COPS9: variants seen among roughly 807,000 people sequenced by gnomAD.
COPS9 encodes COP9 signalosome subunit 9.
COPS9 carries 8 observed loss-of-function variants against 7.2 expected under a neutral mutation model. The observed-to-expected ratio is 1.11, with a 90% CI of 0.65 to 2.00. COPS9 has a LOEUF of 2.00. Among genes scored for constraint, COPS9 ranks in the 30% most tolerant of loss-of-function variants. COPS9 has a pLI of 0.00. For missense variants in COPS9, 74 were observed against 77.7 expected, an observed-to-expected ratio of 0.95 and a Z score of 0.18; for synonymous variants, 39 against 28.7, an observed-to-expected ratio of 1.36 and a Z score of -1.14.
At chr2:240,134,854 C>T (rs1470753184) in intron 1 of COPS9, among the ~76,000 whole-genome samples, 1 of 152,160 alleles carries the variant, frequency 6.6e-6, no homozygotes, top group African/African-American at 2.4e-5. Flanking sequence ...GCCTCATTCA[C>T]ACCCTCTTCA....
downstream of COPS9, among the ~76,000 whole-genome samples, chr2:240,127,154 C>G (rs2071874511): frequency 6.6e-6 from 1 of 152,156 alleles, no homozygotes; most frequent in African/African-American, 2.4e-5. Context: ...ACGGCGAATA[C>G]CCAGGCAGCG....
downstream of COPS9, among the ~76,000 whole-genome samples, chr2:240,127,343 C>T (rs1258745108): frequency 2.0e-5 from 3 of 151,740 alleles, no homozygotes; most frequent in Admixed American, 6.6e-5. Flanking sequence ...AGGTCCAGTC[C>T]CAGGGCCCCT....
chr2:240,130,196 G>A (rs140739458), downstream of COPS9, among the ~76,000 whole-genome samples: 28 of 152,306 alleles, frequency 1.8e-4, no homozygotes, highest in East Asian at 2.5e-3. Context: ...ACCCTTCAGC[G>A]GGTTCTCAGT....
At chr2:240,133,567 C>G (rs563863059) in intron 2 of COPS9, among the ~76,000 whole-genome samples, 1 of 152,186 alleles carries the variant, frequency 6.6e-6, no homozygotes, top group Non-Finnish European at 1.5e-5. Context: ...ACCGGCTACC[C>G]GGAGAGGGCG....
At position 240,131,012 on chromosome 2, in the gene COPS9, G is replaced by T. The variant is rs767811368; in HGVS notation, c.*39C>A. 6.2e-7 allele frequency: 1 copy of T among 1,610,776 alleles called. No individual in the cohort carries two copies. The highest frequency in any genetic ancestry group is 1.7e-5 in the Admixed American group (1 of 59,648). Reference sequence around the variant, plus strand: ...CTGCGCAGGCTCACACTGCGGCTCTGTACCAAGGGCTTGGCCCCGCCTGCA... The same window carrying T: ...CTGCGCAGGCTCACACTGCGGCTCTTTACCAAGGGCTTGGCCCCGCCTGCA... On this transcript the variant is annotated 3_prime_UTR_variant, in exon 3 of 3. Transcript: ENST00000607357.
Position 240,133,485 on chromosome 2 carries a change from C to T in COPS9, c.136+448G>A, listed in dbSNP as rs774331127. Among the ~76,000 whole-genome samples the T allele has an allele frequency of 1.6e-4, 25 of 152,322 alleles. No homozygotes were observed. In the Middle Eastern group the frequency reaches 0.017, roughly 104 times the overall value. ...TGGGCAAGAGCTGGAGTATGGCTGT[C>T]CCTCTGCAAAGGCAGCTGAGGGCAT... On this transcript the variant is annotated intron_variant, in intron 2 of 2. Transcript: ENST00000607357.
chr2:240,133,800 G>A lies in COPS9; in HGVS notation c.136+133C>T. On this transcript the variant is annotated intron_variant, in intron 2 of 2. Coordinates refer to ENST00000607357, the MANE Select transcript of COPS9 (RefSeq NM_001163424.2). ...GTCATCGCTCCACAGAGGCTGCACT[G>A]CATTCTGAGAGGAGCGCAGGGGCTC... is the stretch of plus-strand genomic sequence containing the variant. 4 of 830,408 alleles carry A rather than the reference G, an allele frequency of 4.8e-6. No individual in the cohort carries two copies. In the South Asian group the frequency reaches 6.5e-5, roughly 14 times the overall value. The allele number at this position is 830,408 out of a possible 1,614,324, so 51.4% of individuals were successfully genotyped here.
downstream of COPS9, chr2:240,126,872 CT>C: frequency 6.2e-7 from 1 of 1,614,196 alleles, no homozygotes; most frequent in Non-Finnish European, 8.5e-7. Context: ...CCTCCGCCCC[CT>C]GCCCATGGCC....
downstream of COPS9, chr2:240,130,146 T>C (rs1394040501): frequency 4.0e-6 from 3 of 753,238 alleles, no homozygotes; most frequent in Non-Finnish European, 6.5e-6. Context: ...TCACCTGGCC[T>C]CCAGTACAAA....
intron 2 of COPS9, among the ~76,000 whole-genome samples, chr2:240,131,928 G>A (rs1288648696): frequency 6.6e-6 from 1 of 152,206 alleles, no homozygotes; most frequent in Non-Finnish European, 1.5e-5. Flanking sequence ...CCTTCCTGGG[G>A]AGGGTGGCGT....
At chr2:240,131,377 AC>A (rs2071921455) in intron 2 of COPS9, among the ~76,000 whole-genome samples, 1 of 152,206 alleles carries the variant, frequency 6.6e-6, no homozygotes, top group African/African-American at 2.4e-5. Flanking sequence ...CCGCACAGCC[AC>A]AACTCAGCAC....
At chr2:240,126,654 C>T, downstream of COPS9, 3 of 1,614,180 alleles carry the variant, frequency 1.9e-6, no homozygotes, top group Non-Finnish European at 2.5e-6. Flanking sequence ...ACATTTACCC[C>T]TCCAGTGAGT....
chr2:240,129,983 G>A (rs369861535), downstream of COPS9: 62 of 1,613,794 alleles, frequency 3.8e-5, no homozygotes, highest in Admixed American at 8.3e-5. Context: ...GCTGCAGTGC[G>A]GGAACCATGG....
rs1027124764 is a variant in COPS9, at chr2:240,132,252, GTC to G, written c.137-1166_137-1165del. Among the ~76,000 whole-genome samples, 48 of 152,344 alleles carry G rather than the reference GTC, an allele frequency of 3.2e-4. No individual in the cohort carries two copies. Among genetic ancestry groups the G allele is most frequent in the African/African-American group, 1.0e-3 (43 of 41,580 alleles). The stretch of plus-strand genomic sequence containing the variant: ...AAGACATGGCGAGGGAAGAGAGAGT[GTC>G]TCTTTCGTGGCTAGAACCCTGGTGC... On this transcript the variant is annotated intron_variant, in intron 2 of 2. Coordinates refer to ENST00000607357, the MANE Select transcript of COPS9 (RefSeq NM_001163424.2). The surrounding 1 kb of genome is among the most constrained non-coding windows in gnomAD (Gnocchi z 4.1).
rs1183559615 is a variant in COPS9, at chr2:240,132,853, C to G, written c.136+1080G>C. ...ATTTGTTCCCTCTGAAGGCAACACCCTTCTCCCACCTCGCTCTGGCATAAA... is the reference window on the plus strand; with the variant it reads ...ATTTGTTCCCTCTGAAGGCAACACCGTTCTCCCACCTCGCTCTGGCATAAA... On this transcript the variant is annotated intron_variant, in intron 2 of 2. Coordinates refer to ENST00000607357, the MANE Select transcript of COPS9 (RefSeq NM_001163424.2). The surrounding 1 kb of genome is among the most constrained non-coding windows in gnomAD (Gnocchi z 4.1). Among the ~76,000 whole-genome samples the G allele has an allele frequency of 6.6e-6, 1 of 152,228 alleles. No individual in the cohort carries two copies. Among genetic ancestry groups the G allele is most frequent in the Non-Finnish European group, 1.5e-5 (1 of 68,030 alleles).
downstream of COPS9, chr2:240,126,643 A>G: frequency 6.2e-7 from 1 of 1,614,056 alleles, no homozygotes; most frequent in Admixed American, 1.7e-5. Context: ...TCACTCTTAA[A>G]ACATTTACCC....
At chr2:240,130,167 G>A (rs1240108504), downstream of COPS9, 9 of 658,304 alleles carry the variant, frequency 1.4e-5, 1 homozygote, top group South Asian at 1.0e-4. Context: ...TGTCTCTTCT[G>A]TAAACATGAC....
intron 1 of COPS9, among the ~76,000 whole-genome samples, chr2:240,135,199 T>G (rs149926269): frequency 6.6e-6 from 1 of 152,214 alleles, no homozygotes; most frequent in Non-Finnish European, 1.5e-5. Flanking sequence ...CTTCCCTTGG[T>G]GAGCCAGTCG....
intron 1 of COPS9, 142 bp downstream of exon 1, chr2:240,136,080 C>G (rs1363660107): frequency 1.6e-6 from 2 of 1,249,400 alleles, no homozygotes; most frequent in Middle Eastern, 2.9e-4. Flanking sequence ...ATTTGCTCTC[C>G]GCGGGGCAGG....
Sources: gnomAD v4.1 joint callset for allele counts (sites outside exome capture counted in the v4.1 genomes callset) on GRCh38, gnomAD v4.1.1 for gene constraint, Gnocchi (gnomAD v3.1) non-coding constraint, MANE v1.5 for transcripts, NCBI Gene and HGNC (gene_info 2026-07-23, HGNC 2026-07-21) for gene names.